DACH2: variants seen among roughly 807,000 people sequenced by gnomAD.
DACH2 encodes dachshund family transcription factor 2.
In DACH2, 17 loss-of-function variants were observed where a neutral mutation model predicts 35.8. The observed-to-expected ratio is 0.48, with a 90% CI of 0.33 to 0.71. DACH2 has a LOEUF of 0.71. Among genes scored for constraint, DACH2 ranks in the 30% least tolerant of loss-of-function variants. The pLI is 0.02. For synonymous variants in DACH2, 195 were observed against 177.3 expected (o/e 1.10, Z -0.79); for missense variants, 469 against 472.7 (o/e 0.99, Z 0.07).
intron 6 of DACH2, among the ~76,000 whole-genome samples, chrX:86,722,519 G>GTT (rs142794566): frequency 3.1e-4 from 31 of 100,760 alleles, no homozygotes; most frequent in East Asian, 1.3e-3. Context: ...TGGCTAATGT[G>GTT]TTTTTTTTTT....
intron 1 of DACH2, among the ~76,000 whole-genome samples, chrX:86,230,745 C>T (rs773685336): frequency 7.2e-5 from 8 of 111,576 alleles, no homozygotes; most frequent in Non-Finnish European, 1.3e-4. Flanking sequence ...TTATCCACCT[C>T]TTCTAGGTTT....
chrX:86,592,546 C>T (rs2039660844), intron 3 of DACH2, among the ~76,000 whole-genome samples: 1 of 111,733 alleles, frequency 8.9e-6, no homozygotes, highest in Admixed American at 9.6e-5. Context: ...ATGAGTTTAC[C>T]AATTTCACAA....
At chrX:86,807,381 G>A (rs1326323217) in intron 7 of DACH2, among the ~76,000 whole-genome samples, 1 of 111,306 alleles carries the variant, frequency 9.0e-6, no homozygotes, top group Admixed American at 9.6e-5. Context: ...AGAGGTAGGT[G>A]TTACTATTAT....
At chrX:86,285,237 G>C (rs746412525) in intron 1 of DACH2, among the ~76,000 whole-genome samples, 9 of 110,995 alleles carry the variant, frequency 8.1e-5, no homozygotes, top group African/African-American at 2.9e-4. Context: ...GTTTGCTCTT[G>C]CTTTTGTAGT....
At chrX:86,807,340 T>C (rs1442761210) in intron 7 of DACH2, among the ~76,000 whole-genome samples, 1 of 111,926 alleles carries the variant, frequency 8.9e-6, no homozygotes, top group Non-Finnish European at 1.9e-5. Context: ...ATTTTGCTAA[T>C]AGTAGTTCAT....
At chrX:86,227,986 A>T (rs1301917357) in intron 1 of DACH2, among the ~76,000 whole-genome samples, 1 of 110,080 alleles carries the variant, frequency 9.1e-6, no homozygotes, top group African/African-American at 3.3e-5. Flanking sequence ...ATTTTTCCAT[A>T]AGTTATTGAG....
chrX:86,405,107 A>T (rs2036505294), intron 2 of DACH2, among the ~76,000 whole-genome samples: 1 of 110,982 alleles, frequency 9.0e-6, no homozygotes, highest in African/African-American at 3.3e-5. Context: ...TTTCCCTCCT[A>T]GGTCTTGGGG....
intron 7 of DACH2, chrX:86,799,357 T>C: frequency 7.9e-6 from 1 of 125,923 alleles, no homozygotes; most frequent in Non-Finnish European, 1.6e-5. Context: ...ATATACAACT[T>C]AAATTAAATT....
At chrX:86,311,021 T>G (rs769965518) in intron 1 of DACH2, among the ~76,000 whole-genome samples, 7 of 111,596 alleles carry the variant, frequency 6.3e-5, no homozygotes, top group Non-Finnish European at 9.4e-5. Flanking sequence ...CTATGGCCAC[T>G]GCTGGGTGCT....
Position 86,739,789 on chromosome X carries a change from G to T in DACH2, c.1147G>T (p.Glu383Ter), listed in dbSNP as rs746581494. Reference protein sequence around the residue: ...ESPSPAPSLEENHRPGSQTSS... With the variant: ...ESPSPAPSLE ...TCCTTCTCCTGCTCCTTCTCTAGAAGAGAATCATCGTCCTGGGAGCCAGAC... is the reference window on the plus strand; with the variant it reads ...TCCTTCTCCTGCTCCTTCTCTAGAATAGAATCATCGTCCTGGGAGCCAGAC... Residue 383 changes from glutamate to a stop codon, truncating the protein, a stop_gained, in exon 7 of 12, where the codon GAG (glutamate) becomes TAG (stop). Coordinates refer to ENST00000373125, the MANE Select transcript of DACH2 (RefSeq NM_053281.3). LOFTEE classifies it high-confidence loss of function. 5 of 1,191,833 alleles carry T rather than the reference G, an allele frequency of 4.2e-6. No homozygotes were observed. Among genetic ancestry groups the T allele is most frequent in the Non-Finnish European group, 5.6e-6 (5 of 884,959 alleles).
intron 1 of DACH2, among the ~76,000 whole-genome samples, chrX:86,201,166 CT>C (rs1259875192): frequency 9.1e-6 from 1 of 109,753 alleles, no homozygotes; most frequent in Non-Finnish European, 1.9e-5. Flanking sequence ...GGCCATTATT[CT>C]TAGCAAAGTA....
intron 7 of DACH2, among the ~76,000 whole-genome samples, chrX:86,781,388 A>G (rs2042087917): frequency 8.9e-6 from 1 of 111,787 alleles, no homozygotes; most frequent in African/African-American, 3.3e-5. Flanking sequence ...ATATATGGTC[A>G]AAGTATTATG....
At chrX:86,369,796 T>C (rs1488057932) in intron 1 of DACH2, among the ~76,000 whole-genome samples, 4 of 111,838 alleles carry the variant, frequency 3.6e-5, no homozygotes, top group Admixed American at 9.6e-5. Flanking sequence ...TTTGGACTTA[T>C]AAAGTTTCTG....
At chrX:86,726,786 G>C (rs749217399) in intron 6 of DACH2, among the ~76,000 whole-genome samples, 2 of 111,992 alleles carry the variant, frequency 1.8e-5, no homozygotes, top group East Asian at 5.7e-4. Flanking sequence ...TGTTGCAGGA[G>C]TGTGGAGTCC....
At chrX:86,518,082 A>G (rs1255531146) in intron 3 of DACH2, among the ~76,000 whole-genome samples, 1 of 112,184 alleles carries the variant, frequency 8.9e-6, no homozygotes, top group Non-Finnish European at 1.9e-5. Flanking sequence ...TATATGGTGT[A>G]AGGAAGGGGT....
chrX:86,718,151 A>G (rs1378934286), intron 6 of DACH2, among the ~76,000 whole-genome samples: 1 of 111,173 alleles, frequency 9.0e-6, no homozygotes, highest in African/African-American at 3.3e-5. Context: ...TTTTCTCCTC[A>G]CAAACACTTG....
chrX:86,744,478 A>G (rs1000092630), intron 7 of DACH2, among the ~76,000 whole-genome samples: 1 of 110,052 alleles, frequency 9.1e-6, no homozygotes, highest in Non-Finnish European at 1.9e-5. Flanking sequence ...TGGCAAACAT[A>G]TGTTTTCACA....
At chrX:86,747,585 A>G (rs1399782572) in intron 7 of DACH2, among the ~76,000 whole-genome samples, 1 of 111,978 alleles carries the variant, frequency 8.9e-6, no homozygotes, top group Non-Finnish European at 1.9e-5. Context: ...CATTATGTCT[A>G]AAAAACAGTA....
chrX:86,231,461 G>A (rs762667369), intron 1 of DACH2, among the ~76,000 whole-genome samples: 1 of 110,405 alleles, frequency 9.1e-6, no homozygotes, highest in Non-Finnish European at 1.9e-5. Flanking sequence ...GGCTGCTGTG[G>A]GGGGTGGGGG....
Sources: allele counts gnomAD v4.1 joint callset (sites outside exome capture counted in the v4.1 genomes callset), GRCh38; gene constraint gnomAD v4.1.1; transcripts MANE v1.5; gene names NCBI Gene and HGNC (gene_info 2026-07-23, HGNC 2026-07-21).